The following IKZF1 variants were observed in gnomAD, a reference collection of about 807,000 sequenced individuals.
IKZF1 encodes the protein DNA-binding protein Ikaros.
A neutral mutation model predicts 51.7 loss-of-function variants in IKZF1; 10 were observed. The ratio of observed to expected loss-of-function variants is 0.19; its 90% CI spans 0.12 to 0.33. IKZF1 has a LOEUF of 0.33. Among genes scored for constraint, IKZF1 ranks in the 10% least tolerant of loss-of-function variants. The pLI is 1.00. For missense variants in IKZF1, 484 were observed against 707.5 expected, an observed-to-expected ratio of 0.68 and a Z score of 3.58; for synonymous variants, 280 against 282.3, an observed-to-expected ratio of 0.99 and a Z score of 0.08.
chr7:50,398,599 C>T (rs923319023), intron 7 of IKZF1, among the ~76,000 whole-genome samples: 1 of 152,226 alleles, frequency 6.6e-6, no homozygotes, highest in African/African-American at 2.4e-5. Flanking sequence ...ATTATCCATG[C>T]AATCACACAT....
chr7:50,313,288 C>A (rs553371439), intron 1 of IKZF1, among the ~76,000 whole-genome samples: 3 of 152,254 alleles, frequency 2.0e-5, no homozygotes, highest in Non-Finnish European at 4.4e-5. Context: ...AGGCTTGGTC[C>A]CTGTCTCCCC....
At chr7:50,378,357 A>T (rs1213791993) in intron 4 of IKZF1, among the ~76,000 whole-genome samples, 1 of 152,216 alleles carries the variant, frequency 6.6e-6, no homozygotes, top group Non-Finnish European at 1.5e-5. Context: ...GCAAGCGTGC[A>T]TGAGAGTAGT....
chr7:50,309,131 G>A (rs868729430), intron 1 of IKZF1, among the ~76,000 whole-genome samples: 33 of 152,310 alleles, frequency 2.2e-4, no homozygotes, highest in African/African-American at 6.3e-4. Flanking sequence ...AGCTCGTGGC[G>A]CGGGGCCACG....
chr7:50,397,166 T>C (rs1186152854), intron 7 of IKZF1, among the ~76,000 whole-genome samples: 2 of 152,266 alleles, frequency 1.3e-5, no homozygotes, highest in South Asian at 4.1e-4. Context: ...CTACATCTCA[T>C]GTCAGAATTT....
At chr7:50,364,794 C>A (rs914492551) in intron 3 of IKZF1, among the ~76,000 whole-genome samples, 1 of 152,218 alleles carries the variant, frequency 6.6e-6, no homozygotes, top group African/African-American at 2.4e-5. Context: ...TGTGCATACT[C>A]ACCTGCTCTG....
intron 3 of IKZF1, among the ~76,000 whole-genome samples, chr7:50,372,856 A>C (rs1179425812): frequency 6.6e-6 from 1 of 152,222 alleles, no homozygotes; most frequent in Non-Finnish European, 1.5e-5. Flanking sequence ...GTTTGAAAAC[A>C]TCCACTCTTC....
chr7:50,399,833 C>T (rs1366321574), intron 7 of IKZF1, 85 bp from the exon 8 acceptor site: 1 of 1,508,276 alleles, frequency 6.6e-7, no homozygotes, highest in Non-Finnish European at 8.8e-7. Context: ...TTCCCCTCCC[C>T]GGTTGTAGAT....
chr7:50,397,468 G>T (rs1301946485), intron 7 of IKZF1, among the ~76,000 whole-genome samples: 1 of 152,202 alleles, frequency 6.6e-6, no homozygotes, highest in Admixed American at 6.5e-5. Flanking sequence ...ACAGATTTCA[G>T]TGGTTGCTTG....
At position 50,314,472 on chromosome 7, in the gene IKZF1, A is replaced by G. The variant is rs1327977627; in HGVS notation, c.-14-4576A>G. On this transcript the variant is annotated intron_variant, in intron 1 of 7. Coordinates refer to ENST00000331340, the MANE Select transcript of IKZF1 (RefSeq NM_006060.6). ...GCTACCAACAGACAGGCTAATTTTG[A>G]GTGACCCTCAGTACTTTGTACAGTT... Among the ~76,000 whole-genome samples the G allele has an allele frequency of 2.0e-5, 3 of 152,232 alleles. No individual in the cohort carries two copies. The East Asian group carries it at 5.8e-4, about 29-fold the overall frequency.
intron 3 of IKZF1, among the ~76,000 whole-genome samples, chr7:50,355,607 G>A (rs576087615): frequency 1.5e-5 from 2 of 137,654 alleles, no homozygotes; most frequent in African/African-American, 5.6e-5. Flanking sequence ...AAAGTTTAAT[G>A]TGTTAGCTTG....
chr7:50,316,576 G>A (rs1791602731), intron 1 of IKZF1, among the ~76,000 whole-genome samples: 1 of 152,238 alleles, frequency 6.6e-6, no homozygotes, highest in Non-Finnish European at 1.5e-5. Flanking sequence ...GCTCCCTCCA[G>A]GAGACTGGTG....
rs1176057697 is a variant in IKZF1 at position 50,401,294 on chromosome 7, G to A, written c.*667G>A. ...GTCTGTCAGACTGCCCTGGGTGGAG[G>A]GAGACGCCGGGCTAGAGCCTTTGGG... is the stretch of plus-strand genomic sequence containing the variant. On this transcript the variant is annotated 3_prime_UTR_variant, in exon 8 of 8. Coordinates refer to ENST00000331340, the MANE Select transcript of IKZF1 (RefSeq NM_006060.6). 2 of 230,850 alleles carry A rather than the reference G, an allele frequency of 8.7e-6. No homozygotes were observed. The highest frequency in any genetic ancestry group is 1.7e-5 in the Non-Finnish European group (2 of 116,588). 14.3% of individuals were successfully genotyped at this position (230,850 alleles called of 1,614,324 possible). A position where few individuals can be genotyped will look rare whatever the true frequency, so the allele number is the denominator to read the frequency against.
intron 3 of IKZF1, among the ~76,000 whole-genome samples, chr7:50,348,897 T>C (rs1409431906): frequency 6.6e-6 from 1 of 152,184 alleles, no homozygotes; most frequent in Non-Finnish European, 1.5e-5. Flanking sequence ...GTCCTTGTCA[T>C]GGGCAGGCAT....
intron 3 of IKZF1, among the ~76,000 whole-genome samples, chr7:50,354,108 G>T (rs1802601997): frequency 6.6e-6 from 1 of 152,250 alleles, no homozygotes; most frequent in African/African-American, 2.4e-5. Context: ...TCCCTTCTGT[G>T]CCTGCAAGGT....
At position 50,401,420 on chromosome 7, in the gene IKZF1, C is replaced by T. The variant is rs1166705138; in HGVS notation, c.*793C>T. On this transcript the variant is annotated 3_prime_UTR_variant, in exon 8 of 8. Transcript: ENST00000331340. The stretch of plus-strand genomic sequence containing the variant: ...GGAGACTGTCTTCCCGTGGGCATAT[C>T]TGGGGAGCCCTGTTCCCCGCTTTTT... The T allele has an allele frequency of 8.8e-6, 2 of 226,228 alleles. No individual in the cohort carries two copies. The highest frequency in any genetic ancestry group is 1.3e-4 in the East Asian group (2 of 15,932). 14.0% of individuals were successfully genotyped at this position (226,228 alleles called of 1,614,324 possible). A position where few individuals can be genotyped will look rare whatever the true frequency, so the allele number is the denominator to read the frequency against.
chr7:50,391,161 A>T (rs1814932179), intron 6 of IKZF1, among the ~76,000 whole-genome samples: 1 of 152,166 alleles, frequency 6.6e-6, no homozygotes, highest in South Asian at 2.1e-4. Flanking sequence ...TAATTTCTAA[A>T]TTTTCTACAG....
Position 50,310,286 on chromosome 7 carries a change from T to A in IKZF1, c.-15+5364T>A, listed in dbSNP as rs572232279. 7.9e-5 allele frequency among the ~76,000 whole-genome samples: 12 copies of A among 152,280 alleles called. No individual in the cohort carries two copies. The South Asian group carries it at 2.5e-3, about 32-fold the overall frequency. ...CAATGTTTTGTTAAAGAAATGAAAT[T>A]TGCTAAAAAGGAGCATGTAAAGTGA... On this transcript the variant is annotated intron_variant, in intron 1 of 7. Coordinates refer to ENST00000331340, the MANE Select transcript of IKZF1 (RefSeq NM_006060.6).
chr7:50,382,809 T>A (rs1812224258), intron 5 of IKZF1, 102 bp downstream of exon 5: 1 of 1,398,696 alleles, frequency 7.1e-7, no homozygotes, highest in African/African-American at 1.4e-5. Flanking sequence ...TAACCCTGAG[T>A]CCCTCCCAGC....
intron 3 of IKZF1, among the ~76,000 whole-genome samples, chr7:50,338,287 T>C (rs1285003542): frequency 6.6e-6 from 1 of 152,230 alleles, no homozygotes; most frequent in African/African-American, 2.4e-5. Context: ...TGAACCTAAT[T>C]CGTTCAATAA....
Sources: allele counts gnomAD v4.1 joint callset (sites outside exome capture counted in the v4.1 genomes callset), GRCh38; gene constraint gnomAD v4.1.1; transcripts MANE v1.5; gene names NCBI Gene and HGNC (gene_info 2026-07-23, HGNC 2026-07-21).